CD99: variants seen among roughly 807,000 people sequenced by gnomAD.
CD99 encodes CD99 molecule (Xg blood group).
CD99 carries 19 observed loss-of-function variants against 28.4 expected under a neutral mutation model. The ratio of observed to expected loss-of-function variants is 0.67; its 90% CI spans 0.47 to 0.98. The LOEUF (loss-of-function observed/expected upper bound fraction) is 0.98. CD99 is among the 50% of genes least tolerant of loss of function. The pLI, the probability that CD99 is intolerant of heterozygous loss-of-function variation, is 0.00. For synonymous variants in CD99, 103 were observed against 92.1 expected (o/e 1.12, Z -0.67); for missense variants, 283 against 248.8 (o/e 1.14, Z -0.92).
intron 1 of CD99, among the ~76,000 whole-genome samples, chrX:2,704,924 A>T (rs2048047963): frequency 6.6e-6 from 1 of 152,170 alleles, no homozygotes; most frequent in Non-Finnish European, 1.5e-5. Context: ...CATGTTGCCC[A>T]GGCTGCTGTT....
At chrX:2,723,433 G>A (rs2049104197) in intron 7 of CD99, 69 bp downstream of exon 7, 15 of 1,565,906 alleles carry the variant, frequency 9.6e-6, no homozygotes, top group Non-Finnish European at 8.8e-7. Context: ...CAGAATGTCT[G>A]AGAGCTGGCG....
intron 5 of CD99, among the ~76,000 whole-genome samples, chrX:2,720,902 AG>A (rs2048964426): frequency 1.3e-5 from 2 of 152,218 alleles, no homozygotes; most frequent in Admixed American, 1.3e-4. Context: ...CTGGGATGAC[AG>A]GTGTGAGCCA....
At chrX:2,715,633 G>C (rs2048664976) in intron 2 of CD99, 1 of 152,038 alleles carries the variant, frequency 6.6e-6, no homozygotes, top group South Asian at 2.1e-4. Flanking sequence ...TCATTACCAG[G>C]TTTTAGGCTT....
chrX:2,727,362 T>C (rs1191720758), intron 8 of CD99: 3 of 778,358 alleles, frequency 3.9e-6, no homozygotes, highest in African/African-American at 1.7e-5. Context: ...GCCCTGCTAT[T>C]TGGAACACAG....
intron 1 of CD99, among the ~76,000 whole-genome samples, chrX:2,692,704 T>A (rs749145666): frequency 6.6e-6 from 1 of 152,308 alleles, no homozygotes; most frequent in African/African-American, 2.4e-5. Flanking sequence ...ACGGACGGGA[T>A]GGCTCTGTAG....
rs1406506422 is a variant in CD99, at chrX:2,724,183, C to A, written c.361+819C>A. ...ATTTTTTAAAAAATAGCTAAGAAAACACATGTCTGGCATGTTTATCTCAGG... is the reference window on the plus strand; with the variant it reads ...ATTTTTTAAAAAATAGCTAAGAAAAAACATGTCTGGCATGTTTATCTCAGG... On this transcript the variant is annotated intron_variant, in intron 7 of 9. Transcript: ENST00000381192. 3.3e-5 allele frequency among the ~76,000 whole-genome samples: 5 copies of A among 152,226 alleles called. No individual in the cohort carries two copies. In the East Asian group the frequency reaches 9.7e-4, roughly 29 times the overall value.
intron 1 of CD99, chrX:2,691,946 C>T (rs752442608): frequency 3.9e-6 from 3 of 778,322 alleles, no homozygotes; most frequent in South Asian, 2.7e-5. Context: ...AAACTTTGAG[C>T]CCTGAAAATG....
intron 8 of CD99, chrX:2,727,442 G>A: frequency 2.7e-6 from 2 of 730,272 alleles, no homozygotes; most frequent in South Asian, 2.9e-5. Flanking sequence ...CAAGCATTGT[G>A]GTTTGCAGGA....
chrX:2,703,119 C>T (rs1305889544), intron 1 of CD99, among the ~76,000 whole-genome samples: 1 of 152,162 alleles, frequency 6.6e-6, no homozygotes, highest in Admixed American at 6.5e-5. Flanking sequence ...CACATGTTCT[C>T]AGCTGAGGTT....
chrX:2,724,761 T>C (rs2049184068), intron 7 of CD99, among the ~76,000 whole-genome samples: 1 of 151,932 alleles, frequency 6.6e-6, no homozygotes, highest in African/African-American at 2.4e-5. Context: ...AAAAATTAGC[T>C]GGGCGTGTGC....
intron 7 of CD99, 109 bp downstream of exon 7, chrX:2,723,473 A>C (rs1569443399): frequency 7.8e-7 from 1 of 1,286,752 alleles, no homozygotes; most frequent in Non-Finnish European, 1.1e-6. Flanking sequence ...TCCTAAAGCT[A>C]CTGGCAGGAG....
At chrX:2,713,745 T>C (rs1237668995) in intron 1 of CD99, among the ~76,000 whole-genome samples, 1 of 151,964 alleles carries the variant, frequency 6.6e-6, no homozygotes, top group Non-Finnish European at 1.5e-5. Flanking sequence ...TGCTGAGGAG[T>C]GGGGACGCTG....
intron 1 of CD99, among the ~76,000 whole-genome samples, chrX:2,708,192 GAAC>G (rs1482142462): frequency 2.0e-5 from 3 of 152,036 alleles, no homozygotes; most frequent in Non-Finnish European, 4.4e-5. Flanking sequence ...CATACATAGG[GAAC>G]TGTGTCCCTC....
intron 8 of CD99, among the ~76,000 whole-genome samples, chrX:2,737,493 T>G (rs1280674979): frequency 6.7e-6 from 1 of 148,852 alleles, no homozygotes; most frequent in Admixed American, 6.7e-5. Flanking sequence ...TATTTTTATT[T>G]ATTTATTTTT....
At chrX:2,716,209 G>A (rs2048705590) in intron 2 of CD99, among the ~76,000 whole-genome samples, 2 of 152,110 alleles carry the variant, frequency 1.3e-5, no homozygotes, top group African/African-American at 2.4e-5. Flanking sequence ...AGTACAGACG[G>A]GGTTTCATAA....
In CD99 at chrX:2,725,978, C is replaced by G. The variant is rs934336490; in HGVS notation, c.362-282C>G. Among the ~76,000 whole-genome samples, 403 of 152,274 alleles carry G rather than the reference C, an allele frequency of 2.6e-3. 1 individual carries two copies. Among genetic ancestry groups the G allele is most frequent in the Non-Finnish European group, 4.4e-3 (296 of 68,012 alleles). ...GCCTTGGTTCTGCTGAGCTTCTGCC[C>G]GTACCTCGCTGGCCTCTCTTCATGT... On this transcript the variant is annotated intron_variant, in intron 7 of 9. Coordinates refer to ENST00000381192, the MANE Select transcript of CD99 (RefSeq NM_002414.5).
intron 1 of CD99, among the ~76,000 whole-genome samples, chrX:2,692,515 T>C (rs779313658): frequency 6.6e-6 from 1 of 152,294 alleles, no homozygotes; most frequent in South Asian, 2.1e-4. Flanking sequence ...ACACCCTCTT[T>C]AAAGGGGTCC....
chrX:2,725,616 T>A (rs1243555501), intron 7 of CD99, among the ~76,000 whole-genome samples: 1 of 145,524 alleles, frequency 6.9e-6, no homozygotes, highest in Non-Finnish European at 1.5e-5. Context: ...CTTTCTTTTT[T>A]GTTTTGTTTT....
chrX:2,718,669 C>T (rs2048856099), intron 3 of CD99, among the ~76,000 whole-genome samples: 2 of 152,150 alleles, frequency 1.3e-5, no homozygotes, highest in South Asian at 4.1e-4. Context: ...ACACCCAGCC[C>T]TCAATGCTGT....
Sources: gnomAD v4.1 joint callset for allele counts (sites outside exome capture counted in the v4.1 genomes callset) on GRCh38, gnomAD v4.1.1 for gene constraint, MANE v1.5 for transcripts, NCBI Gene and HGNC (gene_info 2026-07-23, HGNC 2026-07-21) for gene names.